DAB1: variants seen among roughly 807,000 people sequenced by gnomAD.
DAB1 encodes disabled homolog 1.
In DAB1, 15 loss-of-function variants were observed where a neutral mutation model predicts 64.6. The ratio of observed to expected loss-of-function variants is 0.23; its 90% CI spans 0.16 to 0.36. DAB1 has a LOEUF of 0.36. DAB1 is among the 10% of genes least tolerant of loss of function. The pLI, the probability that DAB1 is intolerant of heterozygous loss-of-function variation, is 1.00. For synonymous variants in DAB1, 235 were observed against 251.9 expected (o/e 0.93, Z 0.64); for missense variants, 596 against 706.7 (o/e 0.84, Z 1.78).
intron 7 of DAB1, among the ~76,000 whole-genome samples, chr1:57,553,426 G>GAA (rs1355682742): frequency 0.14 from 2,486 of 18,132 alleles, 260 homozygotes; most frequent in East Asian, 0.49. Context: ...AAGAAAGAAA[G>GAA]AAAGAAAGAA....
At chr1:57,561,603 T>C (rs1382362631) in intron 7 of DAB1, among the ~76,000 whole-genome samples, 1 of 152,178 alleles carries the variant, frequency 6.6e-6, no homozygotes, top group Non-Finnish European at 1.5e-5. Context: ...AGGATTTTAA[T>C]AATCAAGTGG....
intron 2 of DAB1, among the ~76,000 whole-genome samples, chr1:58,525,354 G>C (rs888444356): frequency 3.9e-5 from 6 of 152,050 alleles, no homozygotes; most frequent in African/African-American, 1.4e-4. Context: ...AAAACATGCT[G>C]TTCAAGAGTC....
chr1:57,082,889 T>C (rs528857724), intron 4 of DAB1, among the ~76,000 whole-genome samples: 2 of 152,216 alleles, frequency 1.3e-5, no homozygotes, highest in Non-Finnish European at 2.9e-5. Context: ...TACTTTTCTA[T>C]TTTCAGCAAC....
In DAB1 at chr1:57,439,418, G is replaced by GTTTTTTTTTTTTTT; in HGVS notation, n.626-148253_626-148252insAAAAAAAAAAAAAA. Among the ~76,000 whole-genome samples the GTTTTTTTTTTTTTT allele has an allele frequency of 2.7e-3, 309 of 116,060 alleles. 41 individuals are homozygous for GTTTTTTTTTTTTTT. The highest frequency in any genetic ancestry group is 3.5e-3 in the Non-Finnish European group (208 of 58,828). 76.1% of individuals were successfully genotyped at this position (116,060 alleles called of 152,430 possible). On this transcript the variant is annotated intron_variant and non_coding_transcript_variant, in intron 7 of 20. Coordinates refer to the DAB1 transcript ENST00000485760. ...GCCATGCCATCAACTTGGTGATGAG[G>GTTTTTTTTTTTTTT]TTTTTTCTTTTTTTTTTTTTTTTTT...
intron 6 of DAB1, among the ~76,000 whole-genome samples, chr1:57,715,717 T>A (rs3131718): frequency 0.41 from 62,661 of 151,826 alleles, 13,898 homozygotes; most frequent in African/African-American, 0.59. Flanking sequence ...CTAGAAATAA[T>A]TTAGCCAAAG....
At chr1:58,091,412 CAT>C (rs373706649) in intron 5 of DAB1, among the ~76,000 whole-genome samples, 70 of 152,322 alleles carry the variant, frequency 4.6e-4, no homozygotes, top group African/African-American at 1.4e-3. Flanking sequence ...GAGCTCCCCA[CAT>C]GTGTCCCATT....
chr1:57,386,366 GA>G (rs5774342), intron 1 of DAB1, among the ~76,000 whole-genome samples: 6,903 of 113,258 alleles, frequency 0.061, 421 homozygotes, highest in African/African-American at 0.19. Context: ...GGCCCCTTGG[GA>G]AAAAAAAAAA....
chr1:57,518,776 C>T (rs774041852), intron 7 of DAB1, among the ~76,000 whole-genome samples: 8 of 152,196 alleles, frequency 5.3e-5, no homozygotes, highest in Non-Finnish European at 8.8e-5. Context: ...CTCACATACC[C>T]TCCTTCTAAT....
chr1:57,249,716 A>G (rs542816196), intron 2 of DAB1, among the ~76,000 whole-genome samples: 1 of 152,244 alleles, frequency 6.6e-6, no homozygotes, highest in Non-Finnish European at 1.5e-5. Flanking sequence ...ACACGCCATG[A>G]CTTGTTCTGC....
intron 6 of DAB1, among the ~76,000 whole-genome samples, chr1:57,801,947 T>G (rs1291224206): frequency 6.6e-6 from 1 of 152,202 alleles, no homozygotes; most frequent in East Asian, 1.9e-4. Context: ...TGTGAACCAC[T>G]GCACCGGGCA....
At chr1:57,105,807 C>T (rs930686789) in intron 4 of DAB1, among the ~76,000 whole-genome samples, 10 of 152,040 alleles carry the variant, frequency 6.6e-5, no homozygotes, top group Middle Eastern at 3.4e-3. Flanking sequence ...TTTTTATTTT[C>T]ATGTTCTAAT....
rs34382329 is a variant in DAB1, at chr1:57,740,046, C to CAAAAAAAA, written n.552-90389_552-90382dup. Among the ~76,000 whole-genome samples, 9 of 103,116 alleles carry CAAAAAAAA rather than the reference C, an allele frequency of 8.7e-5. 3 individuals are homozygous for CAAAAAAAA. The highest frequency in any genetic ancestry group is 2.4e-4 in the Admixed American group (2 of 8,362). 67.6% of individuals were successfully genotyped at this position (103,116 alleles called of 152,430 possible). A position where few individuals can be genotyped will look rare whatever the true frequency, so the allele number is the denominator to read the frequency against. ...CCCATCTCTACTACTACTACTACTA[C>CAAAAAAAA]AAAAAAAAAAAAAAAAAATTCGCCA... On this transcript the variant is annotated intron_variant and non_coding_transcript_variant, in intron 6 of 20. Transcript: ENST00000485760.
At chr1:57,444,325 A>G (rs1373771075) in intron 7 of DAB1, among the ~76,000 whole-genome samples, 2 of 152,202 alleles carry the variant, frequency 1.3e-5, no homozygotes, top group African/African-American at 4.8e-5. Context: ...TTATAGCTAT[A>G]TGTTTATTAC....
In DAB1 at chr1:57,430,380, T is replaced by TC. The variant is rs1553181168; in HGVS notation, n.626-139215_626-139214insG. Among the ~76,000 whole-genome samples, 106 of 151,200 alleles carry TC rather than the reference T, an allele frequency of 7.0e-4. 2 individuals carry two copies. The highest frequency in any genetic ancestry group is 7.0e-3 in the Admixed American group (106 of 15,214). On this transcript the variant is annotated intron_variant and non_coding_transcript_variant, in intron 7 of 20. Transcript: ENST00000485760. The stretch of plus-strand genomic sequence containing the variant: ...ATAAAGCTCTCAAGTTAATACAATT[T>TC]TTTTTTTTTTTTTGAGACGGAGTCT...
At chr1:57,598,527 A>G (rs77400652) in intron 7 of DAB1, among the ~76,000 whole-genome samples, 1,868 of 152,338 alleles carry the variant, frequency 0.012, 39 homozygotes, top group African/African-American at 0.043. Context: ...CAAGGGAGAA[A>G]GCAAGCAGCA....
chr1:57,802,195 C>G (rs1487137733), intron 6 of DAB1, among the ~76,000 whole-genome samples: 1 of 152,240 alleles, frequency 6.6e-6, no homozygotes, highest in Non-Finnish European at 1.5e-5. Context: ...ACAACTTTCT[C>G]TGCTTCAATT....
chr1:57,241,569 G>A (rs1206731870), intron 2 of DAB1, among the ~76,000 whole-genome samples: 1 of 152,136 alleles, frequency 6.6e-6, no homozygotes, highest in Non-Finnish European at 1.5e-5. Context: ...TAATAATTGA[G>A]TTGGCACTCT....
At chr1:58,093,913 C>G (rs1650832724) in intron 5 of DAB1, among the ~76,000 whole-genome samples, 1 of 152,128 alleles carries the variant, frequency 6.6e-6, no homozygotes, top group Non-Finnish European at 1.5e-5. Context: ...CCTTTGCTTG[C>G]TCTGCTCTGT....
At chr1:57,824,823 A>G (rs1395684793), downstream of DAB1, among the ~76,000 whole-genome samples, 1 of 152,230 alleles carries the variant, frequency 6.6e-6, no homozygotes, top group Non-Finnish European at 1.5e-5. Context: ...GCAGCTGGGC[A>G]GAGGAGCACT....
Sources: allele counts gnomAD v4.1 joint callset (sites outside exome capture counted in the v4.1 genomes callset), GRCh38; gene constraint gnomAD v4.1.1; transcripts MANE v1.5; gene names NCBI Gene and HGNC (gene_info 2026-07-23, HGNC 2026-07-21).